CAPN9: variants seen among roughly 807,000 people sequenced by gnomAD.
CAPN9 encodes the protein calpain 9.
A neutral mutation model predicts 92.8 loss-of-function variants in CAPN9; 81 were observed. The observed-to-expected ratio is 0.87, with a 90% CI of 0.73 to 1.05. The LOEUF is 1.05. Ranked by LOEUF, CAPN9 falls within the 50% of genes least tolerant of loss-of-function variation. CAPN9 has a pLI of 0.00. For synonymous variants in CAPN9, 304 were observed against 328.0 expected (o/e 0.93, Z 0.79); for missense variants, 848 against 866.2 (o/e 0.98, Z 0.26).
chr1:230,773,988 C>T (rs779686164), intron 7 of CAPN9, among the ~76,000 whole-genome samples: 1 of 152,224 alleles, frequency 6.6e-6, no homozygotes, highest in Non-Finnish European at 1.5e-5. Context: ...GAGAGTGTTT[C>T]CATGGGCCTA....
At chr1:230,758,602 T>C (rs1465499434) in intron 2 of CAPN9, among the ~76,000 whole-genome samples, 3 of 152,168 alleles carry the variant, frequency 2.0e-5, no homozygotes, top group African/African-American at 7.2e-5. Flanking sequence ...CTCTTGCCTG[T>C]GTCAAACAGC....
At chr1:230,752,581 G>C in intron 1 of CAPN9, 4 of 684,828 alleles carry the variant, frequency 5.8e-6, no homozygotes, top group Non-Finnish European at 3.6e-6. Flanking sequence ...GGCCAGGCCT[G>C]CAGAAGGCTG....
chr1:230,752,215 G>A (rs183769004), intron 1 of CAPN9, among the ~76,000 whole-genome samples: 11 of 152,212 alleles, frequency 7.2e-5, no homozygotes, highest in African/African-American at 2.2e-4. Context: ...CATGTGGGCC[G>A]TCAGCATACA....
intron 5 of CAPN9, among the ~76,000 whole-genome samples, chr1:230,768,010 TAATAAATAAATA>T (rs71563451): frequency 0.04 from 5,625 of 139,614 alleles, 339 homozygotes; most frequent in African/African-American, 0.13. Flanking sequence ...ACTTAAAGTA[TAATAAATAAATA>T]AATAAATAAA....
chr1:230,792,226 G>A (rs1003951898), intron 15 of CAPN9, among the ~76,000 whole-genome samples, 200 bp from the exon 16 acceptor site: 1 of 152,138 alleles, frequency 6.6e-6, no homozygotes, highest in African/African-American at 2.4e-5. Flanking sequence ...AACTTTCCGG[G>A]ACCACCCCCA....
intron 14 of CAPN9, 65 bp downstream of exon 14, chr1:230,790,254 G>T (rs982196942): frequency 3.8e-6 from 6 of 1,588,322 alleles, no homozygotes; most frequent in African/African-American, 1.3e-5. Context: ...CACTGCCTGG[G>T]TCCCCTCCCT....
Position 230,791,929 on chromosome 1 carries a change from G to T in CAPN9, c.1722+1G>T. ...TAAAAACATCATTTCCCTGATGGAC[G>T]TATCCTTCCAAATATTTGAGCAGAA... On this transcript the variant is annotated splice_donor_variant, in intron 15 of 19. Coordinates refer to ENST00000271971, the MANE Select transcript of CAPN9 (RefSeq NM_006615.3). LOFTEE classifies it high-confidence loss of function. 1 of 1,605,870 alleles carries T rather than the reference G, an allele frequency of 6.2e-7. No homozygotes were observed. Among genetic ancestry groups the T allele is most frequent in the Non-Finnish European group, 8.5e-7 (1 of 1,172,498 alleles).
Position 230,767,424 on chromosome 1 carries a change from G to C in CAPN9, c.537-117G>C, listed in dbSNP as rs528934576. The C allele has an allele frequency of 1.3e-4, 103 of 814,956 alleles. No homozygotes were observed. In the African/African-American group the frequency reaches 1.4e-3, roughly 11 times the overall value. The allele number at this position is 814,956 out of a possible 1,614,324, so 50.5% of individuals were successfully genotyped here. A position where few individuals can be genotyped will look rare whatever the true frequency, so the allele number is the denominator to read the frequency against. On this transcript the variant is annotated intron_variant, in intron 4 of 19. Transcript: ENST00000271971. ...TCCCGTCTTCCTTCCACACCACCCA[G>C]CCAGGGCAAGCCCTGGGAGATGCTT...
At chr1:230,792,180 G>A (rs1044011446) in intron 15 of CAPN9, among the ~76,000 whole-genome samples, 4 of 152,072 alleles carry the variant, frequency 2.6e-5, no homozygotes, top group South Asian at 2.1e-4. Context: ...TGCCACTTTG[G>A]GATCCCATCC....
chr1:230,789,240 C>T (rs190091176), intron 13 of CAPN9, among the ~76,000 whole-genome samples: 254 of 147,480 alleles, frequency 1.7e-3, no homozygotes, highest in Admixed American at 2.9e-3. Flanking sequence ...ACCTGGGCAT[C>T]CTGGGAAAAA....
chr1:230,756,710 A>G (rs1665247455), intron 2 of CAPN9, among the ~76,000 whole-genome samples: 1 of 152,164 alleles, frequency 6.6e-6, no homozygotes, highest in African/African-American at 2.4e-5. Flanking sequence ...CCGAGGCAGG[A>G]GAATCGCTTG....
chr1:230,755,668 T>C (rs1051568438), intron 2 of CAPN9, among the ~76,000 whole-genome samples: 2 of 152,224 alleles, frequency 1.3e-5, no homozygotes, highest in Non-Finnish European at 2.9e-5. Context: ...CCAGCAGCGT[T>C]GGTCGGGCTC....
Position 230,747,407 on chromosome 1 carries a change from C to A in CAPN9, c.-90C>A. 8.7e-7 allele frequency: 1 copy of A among 1,155,370 alleles called. No individual in the cohort carries two copies. The highest frequency in any genetic ancestry group is 1.2e-5 in the South Asian group (1 of 80,068). 71.6% of individuals were successfully genotyped at this position (1,155,370 alleles called of 1,614,324 possible). A position where few individuals can be genotyped will look rare whatever the true frequency, so the allele number is the denominator to read the frequency against. Reference sequence around the variant, plus strand: ...CCACTCAGCCCAGTGGCCCTCTGAGCTGTTCCTTCTTGACCGGCACACACA... The same window carrying A: ...CCACTCAGCCCAGTGGCCCTCTGAGATGTTCCTTCTTGACCGGCACACACA... On this transcript the variant is annotated 5_prime_UTR_variant, in exon 1 of 20. The change creates a new upstream start codon in the 5' untranslated region. Transcript: ENST00000271971.
Position 230,795,889 on chromosome 1 carries a change from G to A in CAPN9, c.1987+610G>A, listed in dbSNP as rs375308075. Among the ~76,000 whole-genome samples the A allele has an allele frequency of 4.6e-5, 7 of 152,212 alleles. No individual in the cohort carries two copies. In the South Asian group the frequency reaches 6.2e-4, roughly 14 times the overall value. ...GGACCCGTGCCCTCAAGGGTGCCTCGTGCTTGGTTTAATGTTCTGGCGTTT... is the reference window on the plus strand; with the variant it reads ...GGACCCGTGCCCTCAAGGGTGCCTCATGCTTGGTTTAATGTTCTGGCGTTT... On this transcript the variant is annotated intron_variant, in intron 18 of 19. Coordinates refer to ENST00000271971, the MANE Select transcript of CAPN9 (RefSeq NM_006615.3).
At chr1:230,750,221 A>C (rs1313630152) in intron 1 of CAPN9, among the ~76,000 whole-genome samples, 2 of 152,194 alleles carry the variant, frequency 1.3e-5, no homozygotes, top group Non-Finnish European at 2.9e-5. Context: ...CCTGCCACCC[A>C]GCCCATGCCC....
rs770863143 is a variant in CAPN9 at position 230,762,717 on chromosome 1, G to A, written c.467G>A (p.Arg156His). The change falls in exon 4 of 20, where the codon CGC becomes CAC. Residue 156 changes from arginine (R) to histidine (H), a missense_variant. Physicochemically the swap from Arg to His is conservative, Grantham distance 29. Coordinates refer to ENST00000271971, the MANE Select transcript of CAPN9 (RefSeq NM_006615.3). Reference protein sequence around the residue: ...IDDRLPTFRDRLVFLHSADHN... With the variant: ...IDDRLPTFRDHLVFLHSADHN... ...GACCGCCTGCCCACCTTCAGGGACC[G>A]CTTGGTTTTCCTCCACTCTGCCGAC... is the stretch of plus-strand genomic sequence containing the variant. The A allele has an allele frequency of 3.2e-5, 52 of 1,614,010 alleles. No homozygotes were observed. In the Middle Eastern group the frequency reaches 6.6e-4, roughly 20 times the overall value.
At chr1:230,759,434 A>C (rs974541105) in intron 2 of CAPN9, 78 bp from the exon 3 acceptor site, 31 of 1,004,782 alleles carry the variant, frequency 3.1e-5, no homozygotes, top group East Asian at 1.0e-4. Flanking sequence ...AACTCCCCAC[A>C]TCCCCTTCTG....
intron 3 of CAPN9, 76 bp from the exon 4 acceptor site, chr1:230,762,577 A>T: frequency 6.5e-7 from 1 of 1,548,340 alleles, no homozygotes; most frequent in Non-Finnish European, 8.8e-7. Flanking sequence ...AAGCAACAGG[A>T]TCAACATTTA....
At chr1:230,780,121 TG>T in intron 9 of CAPN9, 57 bp from the exon 10 acceptor site, 4 of 965,450 alleles carry the variant, frequency 4.1e-6, no homozygotes, top group Non-Finnish European at 6.3e-6. Flanking sequence ...TGTGTGTGTG[TG>T]GTCTTTGTGG....
Sources: gnomAD v4.1 joint callset for allele counts (sites outside exome capture counted in the v4.1 genomes callset) on GRCh38, gnomAD v4.1.1 for gene constraint, MANE v1.5 for transcripts, NCBI Gene and HGNC (gene_info 2026-07-23, HGNC 2026-07-21) for gene names.